Variants in ZNF385D observed in about 807,000 individuals in gnomAD.
ZNF385D encodes the protein zinc finger protein 659.
In ZNF385D, 15 loss-of-function variants were observed where a neutral mutation model predicts 35.8. That is an observed-to-expected ratio of 0.42 (90% CI 0.28 to 0.64). The LOEUF (loss-of-function observed/expected upper bound fraction) is 0.64, where lower values mean the gene tolerates loss of function less well. Ranked by LOEUF, ZNF385D falls within the 30% of genes least tolerant of loss-of-function variation. ZNF385D has a pLI of 0.23. For synonymous variants in ZNF385D, 212 were observed against 186.8 expected (o/e 1.13, Z -1.10); for missense variants, 474 against 494.6 (o/e 0.96, Z 0.39).
chr3:21,877,721 T>C (rs1325738714), intron 3 of ZNF385D: 1 of 152,004 alleles, frequency 6.6e-6, no homozygotes, highest in African/African-American at 2.4e-5. Flanking sequence ...CTGATAGAAT[T>C]GGGATTTGTA....
Position 22,114,318 on chromosome 3 carries a change from C to A in ZNF385D, c.325+54499G>T, listed in dbSNP as rs372943284. On this transcript the variant is annotated intron_variant, in intron 3 of 5. Coordinates refer to the ZNF385D transcript ENST00000494108. ...ACATTTGCATATATAAAATGTGATA[C>A]GTAGAAAACTGATAAACAGTCTGTA... 4.6e-5 allele frequency among the ~76,000 whole-genome samples: 7 copies of A among 152,040 alleles called. 1 individual carries two copies. The highest frequency in any genetic ancestry group is 3.9e-4 in the East Asian group (2 of 5,178).
intron 2 of ZNF385D, chr3:22,372,408 C>A: frequency 1.0e-6 from 1 of 979,598 alleles, no homozygotes; most frequent in Non-Finnish European, 1.2e-6. Flanking sequence ...CCAACGAACT[C>A]CGCCACCTGA....
intron 3 of ZNF385D, among the ~76,000 whole-genome samples, chr3:21,978,958 T>C (rs1694231100): frequency 1.3e-5 from 2 of 152,174 alleles, no homozygotes; most frequent in South Asian, 4.1e-4. Flanking sequence ...TATCTAAAAT[T>C]GGAAATTTAA....
At chr3:21,479,385 A>T (rs1688456345) in intron 4 of ZNF385D, among the ~76,000 whole-genome samples, 1 of 152,128 alleles carries the variant, frequency 6.6e-6, no homozygotes, top group African/African-American at 2.4e-5. Context: ...TTTACAGAGC[A>T]TCTAGCTTCA....
chr3:22,184,347 T>G (rs1695483686), intron 2 of ZNF385D, among the ~76,000 whole-genome samples: 1 of 151,392 alleles, frequency 6.6e-6, no homozygotes, highest in African/African-American at 2.4e-5. Flanking sequence ...CTTAAAAATT[T>G]TTGTTTGCTT....
At chr3:22,268,817 G>A (rs962550253) in intron 2 of ZNF385D, among the ~76,000 whole-genome samples, 3 of 151,868 alleles carry the variant, frequency 2.0e-5, no homozygotes, top group Admixed American at 6.6e-5. Flanking sequence ...ATTTTTACTT[G>A]CTAGCTGTAT....
At chr3:21,942,239 TTAAAA>T (rs1304728962) in intron 3 of ZNF385D, among the ~76,000 whole-genome samples, 1 of 152,214 alleles carries the variant, frequency 6.6e-6, no homozygotes, top group East Asian at 1.9e-4. Context: ...TAGTTTGTTT[TTAAAA>T]TAAAATGACT....
chr3:21,704,823 A>G (rs796649599), intron 1 of ZNF385D, among the ~76,000 whole-genome samples: 2 of 152,264 alleles, frequency 1.3e-5, no homozygotes, highest in Non-Finnish European at 2.9e-5. Flanking sequence ...ATGAAGGAAT[A>G]AACTATATAA....
At chr3:21,954,615 A>G (rs1481608037) in intron 3 of ZNF385D, among the ~76,000 whole-genome samples, 1 of 152,102 alleles carries the variant, frequency 6.6e-6, no homozygotes, top group African/African-American at 2.4e-5. Flanking sequence ...TATATCCTTA[A>G]TAGTTATATC....
intron 4 of ZNF385D, among the ~76,000 whole-genome samples, chr3:21,479,792 G>A (rs1056958882): frequency 6.6e-6 from 1 of 152,068 alleles, no homozygotes; most frequent in Non-Finnish European, 1.5e-5. Context: ...CATTACAAAA[G>A]CCACTTTCTA....
intron 5 of ZNF385D, among the ~76,000 whole-genome samples, chr3:21,427,084 C>G (rs556668864): frequency 2.6e-5 from 4 of 152,110 alleles, no homozygotes; most frequent in African/African-American, 2.4e-5. Context: ...TGATGCTTCA[C>G]GGGAGCTTAT....
intron 3 of ZNF385D, among the ~76,000 whole-genome samples, chr3:21,560,899 A>G (rs890645173): frequency 1.3e-5 from 2 of 152,070 alleles, no homozygotes; most frequent in African/African-American, 4.8e-5. Context: ...GCTGAGCTTC[A>G]GTGGGCTCCG....
chr3:21,463,271 T>G (rs930490125), intron 4 of ZNF385D, among the ~76,000 whole-genome samples: 4 of 152,048 alleles, frequency 2.6e-5, no homozygotes, highest in Non-Finnish European at 5.9e-5. Context: ...ATGTGGCTTT[T>G]ATAAAAAAAA....
At position 21,972,302 on chromosome 3, in the gene ZNF385D, C is replaced by T. The variant is rs1301927839; in HGVS notation, c.325+196515G>A. Among the ~76,000 whole-genome samples the T allele has an allele frequency of 3.3e-5, 5 of 151,762 alleles. No individual in the cohort carries two copies. In the East Asian group the frequency reaches 9.6e-4, roughly 29 times the overall value. ...AAATCATTTGGAAAGTAAACAAATA[C>T]ATGGAAATTAAACAATATGGTCCTG... On this transcript the variant is annotated intron_variant, in intron 3 of 5. Transcript: ENST00000494108.
At chr3:22,184,158 C>T (rs1328206779) in intron 2 of ZNF385D, among the ~76,000 whole-genome samples, 1 of 152,082 alleles carries the variant, frequency 6.6e-6, no homozygotes. Context: ...TGGCCTCCAG[C>T]AAACCCTTCA....
intron 3 of ZNF385D, among the ~76,000 whole-genome samples, chr3:21,546,845 G>A (rs926353619): frequency 4.0e-5 from 6 of 149,260 alleles, no homozygotes; most frequent in South Asian, 2.2e-4. Context: ...AGCCCCCCCC[G>A]CTTCATGGGT....
At chr3:21,569,263 A>C (rs1272188057) in intron 2 of ZNF385D, among the ~76,000 whole-genome samples, 1 of 149,506 alleles carries the variant, frequency 6.7e-6, no homozygotes, top group African/African-American at 2.5e-5. Context: ...GGGTGCATAT[A>C]TATTTAGGAT....
intron 4 of ZNF385D, among the ~76,000 whole-genome samples, chr3:21,500,751 C>G (rs1004965934): frequency 2.6e-5 from 4 of 152,122 alleles, no homozygotes; most frequent in Non-Finnish European, 4.4e-5. Flanking sequence ...CTAAAGAGTT[C>G]TGATGCTGTG....
intron 3 of ZNF385D, among the ~76,000 whole-genome samples, chr3:21,791,804 G>A (rs759614829): frequency 3.3e-5 from 5 of 152,142 alleles, no homozygotes; most frequent in Non-Finnish European, 7.4e-5. Flanking sequence ...GCGCGATCTC[G>A]GCTCACTGCA....
Sources: allele counts gnomAD v4.1 joint callset (sites outside exome capture counted in the v4.1 genomes callset), GRCh38; gene constraint gnomAD v4.1.1; transcripts MANE v1.5; gene names NCBI Gene and HGNC (gene_info 2026-07-23, HGNC 2026-07-21).